Variants in MNDA observed in about 807,000 individuals in gnomAD.
MNDA encodes the protein epididymis secretory sperm binding protein.
In MNDA, 43 loss-of-function variants were observed where a neutral mutation model predicts 37.8. That is an observed-to-expected ratio of 1.14 (90% CI 0.89 to 1.47). MNDA has a LOEUF of 1.47. Among genes scored for constraint, MNDA ranks in the 40% most tolerant of loss-of-function variants. The pLI is 0.00. For synonymous variants in MNDA, 181 were observed against 169.0 expected, an observed-to-expected ratio of 1.07 and a Z score of -0.55; for missense variants, 536 against 476.0, an observed-to-expected ratio of 1.13 and a Z score of -1.17.
chr1:158,845,843 G>T lies in MNDA; in HGVS notation c.827G>T (p.Gly276Val), dbSNP rs773707693. The stretch of plus-strand genomic sequence containing the variant: ...ATATCTGATTACTCTGAATGTAAAG[G>T]AGTAATGGAAATAAAGGAAGCATCA... ...ITISDYSECK[G>V]VMEIKEASSV... The change falls in exon 5 of 7, where the codon GGA becomes GTA. Residue 276 changes from glycine (G) to valine (V), a missense_variant. Transcript: ENST00000368141. 1.1e-5 allele frequency: 17 copies of T among 1,614,030 alleles called. No individual in the cohort carries two copies. Among genetic ancestry groups the T allele is most frequent in the Non-Finnish European group, 1.4e-5 (17 of 1,180,028 alleles).
chr1:158,848,987 A>T (rs1333738734), intron 6 of MNDA, among the ~76,000 whole-genome samples: 1 of 152,162 alleles, frequency 6.6e-6, no homozygotes, highest in East Asian at 1.9e-4. Flanking sequence ...GGAAAAAGAC[A>T]AACAGAGATT....
intron 5 of MNDA, among the ~76,000 whole-genome samples, chr1:158,847,073 G>T (rs896795168): frequency 6.6e-6 from 1 of 152,136 alleles, no homozygotes; most frequent in East Asian, 1.9e-4. Context: ...ACCAAATATT[G>T]TATGTTCTCA....
chr1:158,840,867 C>T (rs1240223377), intron 1 of MNDA, among the ~76,000 whole-genome samples: 7 of 152,164 alleles, frequency 4.6e-5, no homozygotes, highest in Non-Finnish European at 7.3e-5. Flanking sequence ...CAGGAACACT[C>T]ATGTTCTCCC....
chr1:158,847,825 A>G lies in MNDA; in HGVS notation c.1085A>G (p.Glu362Gly). The G allele has an allele frequency of 6.2e-7, 1 of 1,613,934 alleles. No individual in the cohort carries two copies. The highest frequency in any genetic ancestry group is 8.5e-7 in the Non-Finnish European group (1 of 1,179,794). The change falls in exon 6 of 7, where the codon GAG (glutamate) becomes GGG (glycine). Residue 362 changes from glutamate (E) to glycine (G), a missense_variant. By Grantham distance (98) the Glu-to-Gly change is moderately conservative. Transcript: ENST00000368141. ...GGAAAATGGCACAATATCAAGTGTGAGAAAGGAGATAAACTTCGACTCTTC... is the reference window on the plus strand; with the variant it reads ...GGAAAATGGCACAATATCAAGTGTGGGAAAGGAGATAAACTTCGACTCTTC... ...GSGKWHNIKC[E>G]KGDKLRLFCL...
intron 1 of MNDA, among the ~76,000 whole-genome samples, chr1:158,837,571 C>T (rs571983811): frequency 6.6e-6 from 1 of 151,754 alleles, no homozygotes; most frequent in Non-Finnish European, 1.5e-5. Flanking sequence ...TATTCCTTCA[C>T]TTTCTATCTT....
intron 1 of MNDA, among the ~76,000 whole-genome samples, chr1:158,837,858 T>C (rs1337715763): frequency 6.6e-6 from 1 of 151,762 alleles, no homozygotes; most frequent in East Asian, 1.9e-4. Context: ...TATGTTCTTC[T>C]ATTCCTTTGT....
chr1:158,842,990 G>A (rs1026246021), intron 2 of MNDA, among the ~76,000 whole-genome samples: 1 of 152,184 alleles, frequency 6.6e-6, no homozygotes, highest in African/African-American at 2.4e-5. Context: ...AGGAGAACAA[G>A]ACTGAGAAAG....
Position 158,849,495 on chromosome 1 carries a change from T to C in MNDA, c.*258T>C, listed in dbSNP as rs1482961679. 6 of 405,446 alleles carry C rather than the reference T, an allele frequency of 1.5e-5. No homozygotes were observed. The Admixed American group carries it at 2.1e-4, about 14-fold the overall frequency. The allele number at this position is 405,446 out of a possible 1,614,324, so 25.1% of individuals were successfully genotyped here. A position where few individuals can be genotyped will look rare whatever the true frequency, so the allele number is the denominator to read the frequency against. On this transcript the variant is annotated 3_prime_UTR_variant, in exon 7 of 7. Coordinates refer to ENST00000368141, the MANE Select transcript of MNDA (RefSeq NM_002432.3). The stretch of plus-strand genomic sequence containing the variant: ...GAGGCAAAAAATAAAATATCTTTTT[T>C]TGAAGGACATTATTTTCCCAAAGTC...
chr1:158,841,585 A>G (rs1659028958), intron 1 of MNDA, among the ~76,000 whole-genome samples: 1 of 152,210 alleles, frequency 6.6e-6, no homozygotes, highest in South Asian at 2.1e-4. Context: ...AAAAAGTGCT[A>G]ACGAGAGCTG....
intron 5 of MNDA, 98 bp from the exon 6 acceptor site, chr1:158,847,630 C>T (rs1659160961): frequency 2.6e-6 from 3 of 1,138,964 alleles, no homozygotes; most frequent in Non-Finnish European, 3.8e-6. Context: ...CCTGTCATTC[C>T]TGTCGTGCAT....
chr1:158,844,182 T>G (rs1256201601), intron 4 of MNDA, 60 bp downstream of exon 4: 6 of 1,321,454 alleles, frequency 4.5e-6, no homozygotes, highest in Admixed American at 2.6e-5. Flanking sequence ...TGCATTCCAC[T>G]GTTACTATTG....
chr1:158,843,316 G>GA lies in MNDA; in HGVS notation c.310dup (p.Ile104AsnfsTer42), dbSNP rs751496931. The GA allele has an allele frequency of 2.5e-6, 4 of 1,610,700 alleles. No homozygotes were observed. The highest frequency in any genetic ancestry group is 3.4e-6 in the Non-Finnish European group (4 of 1,178,826). ...TTAAAACACAAGAAAAAGCTCCAGT[G>GA]AAAAAAATAAACCAGGAAGAAGTGG... On this transcript the variant is annotated frameshift_variant, in exon 3 of 7. Transcript: ENST00000368141. LOFTEE classifies it high-confidence loss of function.
chr1:158,843,248 C>G, intron 2 of MNDA, 31 bp from the exon 3 acceptor site: 1 of 1,590,010 alleles, frequency 6.3e-7, no homozygotes, highest in Non-Finnish European at 8.5e-7. Context: ...CACTCTAGGC[C>G]TATTGTGCCC....
rs1358431069 is a variant in MNDA, at chr1:158,849,440, G to A, written c.*203G>A. Reference sequence around the variant, plus strand: ...CTTCTTATACTCTTCCTTTTTTTTAGATATTACATTTTGCTTTTATGACAT... The same window carrying A: ...CTTCTTATACTCTTCCTTTTTTTTAAATATTACATTTTGCTTTTATGACAT... On this transcript the variant is annotated 3_prime_UTR_variant, in exon 7 of 7. Transcript: ENST00000368141. 1 of 477,970 alleles carries A rather than the reference G, an allele frequency of 2.1e-6. No homozygotes were observed. Among genetic ancestry groups the A allele is most frequent in the African/African-American group, 2.0e-5 (1 of 49,074 alleles). 29.6% of individuals were successfully genotyped at this position (477,970 alleles called of 1,614,324 possible). A position where few individuals can be genotyped will look rare whatever the true frequency, so the allele number is the denominator to read the frequency against.
Position 158,845,992 on chromosome 1 carries a change from A to G in MNDA, c.976A>G (p.Met326Val). Residue 326 changes from methionine (M) to valine (V), a missense_variant, in exon 5 of 7, where the codon ATG becomes GTG. Transcript: ENST00000368141. The part of the protein sequence containing the change: ...ASGTMVYGLF[M>V]LQKKSVHKKN... ...TGGAACAATGGTGTATGGGTTGTTT[A>G]TGTTACAAAAGGTAAACCCTTAATT... 2 of 1,601,868 alleles carry G rather than the reference A, an allele frequency of 1.2e-6. No homozygotes were observed. The highest frequency in any genetic ancestry group is 1.7e-6 in the Non-Finnish European group (2 of 1,174,992).
intron 5 of MNDA, among the ~76,000 whole-genome samples, chr1:158,846,899 T>C (rs1659145028): frequency 6.6e-6 from 1 of 152,336 alleles, no homozygotes; most frequent in South Asian, 2.1e-4. Context: ...ATAGCTTAAG[T>C]GTGTGAAACA....
chr1:158,842,207 T>G lies in MNDA; in HGVS notation c.54T>G (p.Asp18Glu). 1 of 1,613,922 alleles carries G rather than the reference T, an allele frequency of 6.2e-7. No homozygotes were observed. The highest frequency in any genetic ancestry group is 8.5e-7 in the Non-Finnish European group (1 of 1,179,870). Residue 18 changes from aspartate to glutamate, a missense_variant, in exon 2 of 7, where the codon GAT becomes GAG. By Grantham distance (45) the Asp-to-Glu change is conservative. Transcript: ENST00000368141. ...ILLLKGFELM[D>E]DYHFTSIKSL... ...TGCTGAAAGGATTTGAGCTCATGGA[T>G]GATTATCATTTTACATCAATTAAGT...
chr1:158,836,892 AATG>A (rs1658926546), intron 1 of MNDA, among the ~76,000 whole-genome samples: 1 of 151,814 alleles, frequency 6.6e-6, no homozygotes. Flanking sequence ...CATTTAATGA[AATG>A]ATATGTTGTG....
chr1:158,832,172 G>A (rs1416768876), intron 1 of MNDA, among the ~76,000 whole-genome samples: 2 of 151,938 alleles, frequency 1.3e-5, no homozygotes, highest in African/African-American at 2.4e-5. Flanking sequence ...TTTGTGGCAA[G>A]GTATAATGAA....
Sources: gnomAD v4.1 joint callset for allele counts (sites outside exome capture counted in the v4.1 genomes callset) on GRCh38, gnomAD v4.1.1 for gene constraint, MANE v1.5 for transcripts, NCBI Gene and HGNC (gene_info 2026-07-23, HGNC 2026-07-21) for gene names.